The following PRDM8 variants were observed in gnomAD, a reference collection of about 807,000 sequenced individuals.
The protein encoded by PRDM8 is PR/SET domain 8.
A neutral mutation model predicts 46.5 loss-of-function variants in PRDM8; 13 were observed. The observed-to-expected ratio is 0.28, with a 90% CI of 0.18 to 0.44. PRDM8 has a LOEUF of 0.44. PRDM8 is among the 20% of genes least tolerant of loss of function. The pLI is 1.00. For synonymous variants in PRDM8, 473 were observed against 438.4 expected (o/e 1.08, Z -0.98); for missense variants, 998 against 955.0 (o/e 1.04, Z -0.59).
intron 1 of PRDM8, among the ~76,000 whole-genome samples, chr4:80,198,979 GGTTTTTTTTTTTTTGTTTTTTTT>G (rs1296915375): frequency 3.5e-5 from 4 of 113,508 alleles, no homozygotes; most frequent in Admixed American, 1.0e-4. Flanking sequence ...GGTTTTTTTG[GGTTTTTTTTTTTTTGTTTTTTTT>G]TTTTTTTTTT....
rs1439350405 is a variant in PRDM8 at position 80,203,477 on chromosome 4, A to G, written c.2015A>G (p.Asn672Ser). 6.2e-7 allele frequency: 1 copy of G among 1,613,494 alleles called. No individual in the cohort carries two copies. Among genetic ancestry groups the G allele is most frequent in the Non-Finnish European group, 8.5e-7 (1 of 1,179,810 alleles). The part of the protein sequence containing the change: ...REEKLKCPIC[N>S]ESFRERHHLS... ...GAGAAACTCAAGTGCCCCATCTGCAATGAGTCCTTCAGGGAGCGCCACCAC... is the reference window on the plus strand; with the variant it reads ...GAGAAACTCAAGTGCCCCATCTGCAGTGAGTCCTTCAGGGAGCGCCACCAC... Residue 672 changes from asparagine to serine, a missense_variant, in exon 4 of 4, where the codon AAT becomes AGT. Transcript: ENST00000415738.
At chr4:80,187,951 G>A (rs1355265930) in intron 1 of PRDM8, among the ~76,000 whole-genome samples, 1 of 152,218 alleles carries the variant, frequency 6.6e-6, no homozygotes, top group Non-Finnish European at 1.5e-5. Flanking sequence ...TTCTGTTCAA[G>A]AAACATTTGT....
At position 80,201,948 on chromosome 4, in the gene PRDM8, A is replaced by G. The variant is rs747105227; in HGVS notation, c.486A>G (p.Gln162=). ...SSPYTCLECS[Q]RFQFEFPYVA... ...CTTACACATGCCTGGAATGCAGCCAACGTTTCCAGTTTGAGTTCCCCTATG... is the reference window on the plus strand; with the variant it reads ...CTTACACATGCCTGGAATGCAGCCAGCGTTTCCAGTTTGAGTTCCCCTATG... Residue 162 remains glutamine, a synonymous_variant, in exon 4 of 4, where the codon CAA becomes CAG. Coordinates refer to ENST00000415738, the MANE Select transcript of PRDM8 (RefSeq NM_001099403.2). The G allele has an allele frequency of 1.9e-6, 3 of 1,613,796 alleles. No homozygotes were observed. The highest frequency in any genetic ancestry group is 2.7e-5 in the African/African-American group (2 of 74,830).
upstream of PRDM8, chr4:80,195,958 G>A: frequency 5.6e-6 from 3 of 534,390 alleles, no homozygotes; most frequent in Non-Finnish European, 7.1e-6. Context: ...GAGAGAGAGA[G>A]AACAAGGAAG....
At chr4:80,201,138 G>T in intron 2 of PRDM8, 152 bp from the exon 3 acceptor site, 2 of 678,856 alleles carry the variant, frequency 2.9e-6, no homozygotes, top group Admixed American at 2.7e-5. Context: ...ACAGGTCCCA[G>T]CTTGGGCCAA....
chr4:80,203,748 A>C lies in PRDM8; in HGVS notation c.*216A>C, dbSNP rs56932557. On this transcript the variant is annotated 3_prime_UTR_variant, in exon 4 of 4. Transcript: ENST00000415738. The stretch of plus-strand genomic sequence containing the variant: ...TTACCCGGGACACACACCCCCCCCC[A>C]CACACACACACAGACACACTCACAC... 3,134 of 369,334 alleles carry C rather than the reference A, an allele frequency of 8.5e-3. 11 individuals carry two copies. Among genetic ancestry groups the C allele is most frequent in the African/African-American group, 0.03 (1,274 of 42,150 alleles). 22.9% of individuals were successfully genotyped at this position (369,334 alleles called of 1,614,324 possible). A position where few individuals can be genotyped will look rare whatever the true frequency, so the allele number is the denominator to read the frequency against.
chr4:80,201,239 G>A, intron 2 of PRDM8, 51 bp from the exon 3 acceptor site: 3 of 1,508,726 alleles, frequency 2.0e-6, no homozygotes, highest in Non-Finnish European at 2.8e-6. Flanking sequence ...CCTCATGAGG[G>A]TCCCTCTCCC....
rs1266628886 is a variant in PRDM8 at position 80,203,220 on chromosome 4, CGCTGCCGCTGCAGCCGCG to C, written c.1764_1781del (p.Ala593_Ala598del). On this transcript the variant is annotated inframe_deletion, in exon 4 of 4. Coordinates refer to ENST00000415738, the MANE Select transcript of PRDM8 (RefSeq NM_001099403.2). ...CCACCGCCTTCTGGCCCAAGAGCTC[CGCTGCCGCTGCAGCCGCG>C]GCTGCGGCGGCGGCCGCGGGGCCCT... The C allele has an allele frequency of 6.4e-7, 1 of 1,552,846 alleles. No individual in the cohort carries two copies. The highest frequency in any genetic ancestry group is 1.2e-5 in the South Asian group (1 of 85,238).
rs1738717553 is a variant in PRDM8 at position 80,203,253 on chromosome 4, C to T, written c.1791C>T (p.Ala597=). The T allele has an allele frequency of 6.4e-7, 1 of 1,564,660 alleles. No homozygotes were observed. The highest frequency in any genetic ancestry group is 1.2e-5 in the South Asian group (1 of 86,248). The change falls in exon 4 of 4, where the codon GCC becomes GCT. Residue 597 remains alanine (A), a synonymous_variant. Coordinates refer to ENST00000415738, the MANE Select transcript of PRDM8 (RefSeq NM_001099403.2). ...CTGCAGCCGCGGCTGCGGCGGCGGCCGCGGGGCCCTTGCAGCTGCAGCTGC... is the reference window on the plus strand; with the variant it reads ...CTGCAGCCGCGGCTGCGGCGGCGGCTGCGGGGCCCTTGCAGCTGCAGCTGC... The part of the protein sequence containing the change: ...AAAAAAAAAA[A]AGPLQLQLPS...
At chr4:80,193,149 GT>G, upstream of PRDM8, among the ~76,000 whole-genome samples, 1 of 152,282 alleles carries the variant, frequency 6.6e-6, no homozygotes, top group East Asian at 1.9e-4. Context: ...GATCCCTACA[GT>G]TGGGAGCCTG....
chr4:80,197,643 C>A lies in PRDM8; in HGVS notation c.-123C>A. On this transcript the variant is annotated 5_prime_UTR_variant, in exon 1 of 4. Coordinates refer to ENST00000415738, the MANE Select transcript of PRDM8 (RefSeq NM_001099403.2). ...TCTTCAGGAAGAGCCTAAAAGGCGG[C>A]AACACCAACACCTCTTGACATGGAA... 1.0e-6 allele frequency: 1 copy of A among 982,830 alleles called. No individual in the cohort carries two copies. The highest frequency in any genetic ancestry group is 1.2e-6 in the Non-Finnish European group (1 of 827,752). The allele number at this position is 982,830 out of a possible 1,614,324, so 60.9% of individuals were successfully genotyped here.
rs3834215 is a variant in PRDM8 at position 80,186,286 on chromosome 4, C to CTTTTT, written c.-983+773_-983+777dup. 9.6e-3 allele frequency among the ~76,000 whole-genome samples: 1,449 copies of CTTTTT among 150,418 alleles called. 21 individuals carry two copies. Among genetic ancestry groups the CTTTTT allele is most frequent in the African/African-American group, 0.034 (1,368 of 40,798 alleles). On this transcript the variant is annotated intron_variant, in intron 1 of 9. Transcript: ENST00000339711. Reference sequence around the variant, plus strand: ...TTAAAGTCTGGGCCTTATTAGGAGCCTTTTTTTTTCCAGAACTGGAATGTT... The same window carrying CTTTTT: ...TTAAAGTCTGGGCCTTATTAGGAGCCTTTTTTTTTTTTTTCCAGAACTGGAATGTT...
chr4:80,187,780 C>T (rs564930390), intron 1 of PRDM8, among the ~76,000 whole-genome samples: 16 of 152,300 alleles, frequency 1.1e-4, no homozygotes, highest in Non-Finnish European at 2.2e-4. Flanking sequence ...TGTCACCCCC[C>T]TTCCTGAGAT....
chr4:80,198,977 TGG>T (rs1172815097), intron 1 of PRDM8, among the ~76,000 whole-genome samples: 13 of 127,164 alleles, frequency 1.0e-4, no homozygotes, highest in African/African-American at 2.4e-4. Context: ...TGGGTTTTTT[TGG>T]GTTTTTTTTT....
At position 80,202,411 on chromosome 4, in the gene PRDM8, C is replaced by A; in HGVS notation, c.949C>A (p.Pro317Thr). 1 of 1,558,212 alleles carries A rather than the reference C, an allele frequency of 6.4e-7. No individual in the cohort carries two copies. Among genetic ancestry groups the A allele is most frequent in the East Asian group, 2.4e-5 (1 of 41,694 alleles). The change falls in exon 4 of 4, where the codon CCG (proline) becomes ACG (threonine). Residue 317 changes from proline to threonine, a missense_variant. Pro to Thr is a conservative substitution (Grantham distance 38). Coordinates refer to ENST00000415738, the MANE Select transcript of PRDM8 (RefSeq NM_001099403.2). ...TGGGKGKRKFPEEAAEGGGGA... is the reference protein window; with the variant it reads ...TGGGKGKRKFTEEAAEGGGGA... ...CGGCGGCAAAGGAAAGAGGAAATTC[C>A]CGGAGGAGGCGGCGGAGGGCGGCGG...
At position 80,202,819 on chromosome 4, in the gene PRDM8, A is replaced by G. The variant is rs907653529; in HGVS notation, c.1357A>G (p.Ser453Gly). The change falls in exon 4 of 4, where the codon AGT (serine) becomes GGT (glycine). Residue 453 changes from serine to glycine, a missense_variant. Transcript: ENST00000415738. ...GCTGCCCAGCCGGCTCGAGGGCGGC[A>G]GTCCTGCGAGGGGCAGCGCCTTCAC... Reference protein sequence around the residue: ...GPLPSRLEGGSPARGSAFTSV... With the variant: ...GPLPSRLEGGGPARGSAFTSV... 2 of 1,223,702 alleles carry G rather than the reference A, an allele frequency of 1.6e-6. No individual in the cohort carries two copies. Among genetic ancestry groups the G allele is most frequent in the African/African-American group, 3.2e-5 (2 of 63,390 alleles). 75.8% of individuals were successfully genotyped at this position (1,223,702 alleles called of 1,614,324 possible). A position where few individuals can be genotyped will look rare whatever the true frequency, so the allele number is the denominator to read the frequency against.
In PRDM8 at chr4:80,197,694, A is replaced by C; in HGVS notation, c.-72A>C. 3 of 983,876 alleles carry C rather than the reference A, an allele frequency of 3.0e-6. No homozygotes were observed. The highest frequency in any genetic ancestry group is 3.6e-6 in the Non-Finnish European group (3 of 828,140). 60.9% of individuals were successfully genotyped at this position (983,876 alleles called of 1,614,324 possible). A position where few individuals can be genotyped will look rare whatever the true frequency, so the allele number is the denominator to read the frequency against. On this transcript the variant is annotated 5_prime_UTR_variant, in exon 1 of 4. Coordinates refer to ENST00000415738, the MANE Select transcript of PRDM8 (RefSeq NM_001099403.2). ...ATACACTGATACAATAGGCAAAAGG[A>C]AACACTCGATTGCATCTTCCCGGTT... is the stretch of plus-strand genomic sequence containing the variant.
chr4:80,196,978 T>C, upstream of PRDM8: 1 of 985,458 alleles, frequency 1.0e-6, no homozygotes, highest in Non-Finnish European at 1.2e-6. Context: ...AGCTTGGTAG[T>C]GTTGGCGCTC....
At chr4:80,198,994 GTTTTT>G (rs1310531623) in intron 1 of PRDM8, among the ~76,000 whole-genome samples, 1 of 63,504 alleles carries the variant, frequency 1.6e-5, no homozygotes, top group African/African-American at 1.0e-4. Context: ...TTTTTTTTTT[GTTTTT>G]TTTTTTTTTT....
Sources: allele counts gnomAD v4.1 joint callset (sites outside exome capture counted in the v4.1 genomes callset), GRCh38; gene constraint gnomAD v4.1.1; transcripts MANE v1.5; gene names NCBI Gene and HGNC (gene_info 2026-07-23, HGNC 2026-07-21).